SLC44A5: variants seen among roughly 807,000 people sequenced by gnomAD.
SLC44A5 encodes solute carrier family 44 member 5.
In SLC44A5, 57 loss-of-function variants were observed where a neutral mutation model predicts 101.8. The ratio of observed to expected loss-of-function variants is 0.56; its 90% CI spans 0.45 to 0.70. SLC44A5 has a LOEUF of 0.70. Ranked by LOEUF, SLC44A5 falls within the 30% of genes least tolerant of loss-of-function variation. The probability of loss-of-function intolerance (pLI) is 0.00; values close to 1 mark genes in which losing one functional copy is unlikely to be tolerated. For synonymous variants in SLC44A5, 281 were observed against 290.9 expected, an observed-to-expected ratio of 0.97 and a Z score of 0.35; for missense variants, 737 against 853.1, an observed-to-expected ratio of 0.86 and a Z score of 1.70.
chr1:75,277,704 TG>T lies in SLC44A5; in HGVS notation c.176-2663del, dbSNP rs544873342. On this transcript the variant is annotated intron_variant, in intron 5 of 23. Coordinates refer to ENST00000370859, the MANE Select transcript of SLC44A5 (RefSeq NM_001130058.2). Reference sequence around the variant, plus strand: ...CAGGGGGAGAAGGAGCATATCTGATTGGGGGGGATCTGAGTGTCTGGGGATA... The same window carrying T: ...CAGGGGGAGAAGGAGCATATCTGATTGGGGGGATCTGAGTGTCTGGGGATA... Among the ~76,000 whole-genome samples, 287 of 141,778 alleles carry T rather than the reference TG, an allele frequency of 2.0e-3. 1 individual carries two copies. Among genetic ancestry groups the T allele is most frequent in the African/African-American group, 7.2e-3 (276 of 38,074 alleles). The allele number at this position is 141,778 out of a possible 152,430, so 93.0% of individuals were successfully genotyped here. A position where few individuals can be genotyped will look rare whatever the true frequency, so the allele number is the denominator to read the frequency against.
chr1:75,263,214 T>C (rs1650686913), intron 6 of SLC44A5, among the ~76,000 whole-genome samples: 1 of 151,848 alleles, frequency 6.6e-6, no homozygotes. Context: ...TGGGAGAAAA[T>C]TTTTGCAATC....
intron 12 of SLC44A5, among the ~76,000 whole-genome samples, chr1:75,232,337 T>C (rs1336882960): frequency 1.3e-5 from 2 of 152,134 alleles, no homozygotes; most frequent in Non-Finnish European, 2.9e-5. Context: ...CTTTCCTTCC[T>C]GATGACAATG....
At chr1:75,699,355 C>A in the SLC44A5 span, among the ~76,000 whole-genome samples, 1 of 151,978 alleles carries the variant, frequency 6.6e-6, no homozygotes, top group East Asian at 1.9e-4. Flanking sequence ...ATTCAACATT[C>A]GTAAAGAAAA....
intron 6 of SLC44A5, among the ~76,000 whole-genome samples, chr1:75,264,977 CTG>C (rs2100706570): frequency 6.6e-6 from 1 of 152,224 alleles, no homozygotes; most frequent in East Asian, 1.9e-4. Context: ...CTATCAGAGA[CTG>C]TTATGAAAAA....
At chr1:75,588,770 T>A in intron 1 of SLC44A5, among the ~76,000 whole-genome samples, 1 of 152,148 alleles carries the variant, frequency 6.6e-6, no homozygotes, top group Admixed American at 6.5e-5. Flanking sequence ...ATTTTTTACA[T>A]TTATTTCTTC....
intron 1 of SLC44A5, among the ~76,000 whole-genome samples, chr1:75,554,460 T>C (rs1200068209): frequency 9.5e-6 from 1 of 105,032 alleles, no homozygotes; most frequent in African/African-American, 4.1e-5. Context: ...CAACAGAGTG[T>C]GACTCTGTCA....
At chr1:75,425,880 G>C (rs1440474555) in intron 2 of SLC44A5, among the ~76,000 whole-genome samples, 1 of 152,126 alleles carries the variant, frequency 6.6e-6, no homozygotes, top group Non-Finnish European at 1.5e-5. Context: ...AAACAATCCA[G>C]CCCTCCCTTC....
chr1:75,426,819 G>C (rs79064815), intron 2 of SLC44A5, among the ~76,000 whole-genome samples: 3 of 152,354 alleles, frequency 2.0e-5, no homozygotes, highest in Non-Finnish European at 2.9e-5. Flanking sequence ...GGAGAGAAGA[G>C]AATCTATTCT....
the SLC44A5 span, chr1:75,642,126 T>C: frequency 6.0e-6 from 6 of 1,004,564 alleles, no homozygotes; most frequent in South Asian, 1.5e-5. Flanking sequence ...TGAAGTGATA[T>C]ATATTAAAAC....
chr1:75,315,466 T>C (rs1468878249), intron 4 of SLC44A5, among the ~76,000 whole-genome samples: 2 of 152,120 alleles, frequency 1.3e-5, no homozygotes, highest in African/African-American at 4.8e-5. Flanking sequence ...GAAATCATAA[T>C]TATTAGCACT....
intron 2 of SLC44A5, among the ~76,000 whole-genome samples, chr1:75,519,356 G>A (rs771209716): frequency 3.3e-5 from 5 of 152,016 alleles, no homozygotes; most frequent in South Asian, 2.1e-4. Flanking sequence ...TCAGGAGTTC[G>A]AGACCACCCT....
chr1:75,274,118 A>T (rs1651722876), intron 6 of SLC44A5, among the ~76,000 whole-genome samples: 1 of 151,944 alleles, frequency 6.6e-6, no homozygotes, highest in Non-Finnish European at 1.5e-5. Context: ...ACATAACTGA[A>T]GTGTCCTCAG....
At chr1:75,685,133 C>A in the SLC44A5 span, among the ~76,000 whole-genome samples, 97 of 152,280 alleles carry the variant, frequency 6.4e-4, 1 homozygote, top group African/African-American at 2.3e-3. Flanking sequence ...GTACCTTGGC[C>A]CCTTTTAGCC....
chr1:75,651,103 T>C, the SLC44A5 span, among the ~76,000 whole-genome samples: 1 of 152,196 alleles, frequency 6.6e-6, no homozygotes, highest in African/African-American at 2.4e-5. Flanking sequence ...AGTAAATAAA[T>C]TGAATGACCT....
intron 5 of SLC44A5, among the ~76,000 whole-genome samples, chr1:75,294,576 AT>A (rs1268081267): frequency 6.6e-6 from 1 of 152,174 alleles, no homozygotes; most frequent in Admixed American, 6.5e-5. Flanking sequence ...TTTGGAATCA[AT>A]TTAAGTATCG....
At chr1:75,682,190 T>A in the SLC44A5 span, among the ~76,000 whole-genome samples, 3 of 152,182 alleles carry the variant, frequency 2.0e-5, no homozygotes, top group Non-Finnish European at 4.4e-5. Context: ...CAAGGTAATT[T>A]ACGGATTCAA....
chr1:75,326,866 TAGA>T lies in SLC44A5; in HGVS notation c.101+12713_101+12715del, dbSNP rs1446426842. Among the ~76,000 whole-genome samples the T allele has an allele frequency of 3.9e-5, 6 of 152,230 alleles. No homozygotes were observed. The South Asian group carries it at 1.2e-3, about 32-fold the overall frequency. On this transcript the variant is annotated intron_variant, in intron 4 of 23. Transcript: ENST00000370859. ...ACAAGTGATATCAAATGCAAAACTGTAGAAGAACAGAATTTTCTCCACCTATTG... is the reference window on the plus strand; with the variant it reads ...ACAAGTGATATCAAATGCAAAACTGTAGAACAGAATTTTCTCCACCTATTG...
intron 3 of SLC44A5, among the ~76,000 whole-genome samples, chr1:75,339,843 A>G (rs565764228): frequency 4.6e-5 from 7 of 152,324 alleles, no homozygotes; most frequent in African/African-American, 1.7e-4. Flanking sequence ...AAGAGTGGTT[A>G]AGGAACATAT....
intron 2 of SLC44A5, among the ~76,000 whole-genome samples, chr1:75,501,813 G>A (rs1357987802): frequency 1.3e-5 from 2 of 152,172 alleles, no homozygotes; most frequent in Non-Finnish European, 2.9e-5. Context: ...CAGGCATAGA[G>A]AAATGACAGA....
Sources: gnomAD v4.1 joint callset for allele counts (sites outside exome capture counted in the v4.1 genomes callset) on GRCh38, gnomAD v4.1.1 for gene constraint, MANE v1.5 for transcripts, NCBI Gene and HGNC (gene_info 2026-07-23, HGNC 2026-07-21) for gene names.